The following EYS variants were observed in gnomAD, a reference collection of about 807,000 sequenced individuals.
EYS encodes the protein EGF-like photoreceptor maintenance factor, also known as protein eyes shut homolog.
A neutral mutation model predicts 282.1 loss-of-function variants in EYS; 250 were observed. The ratio of observed to expected loss-of-function variants is 0.89; its 90% CI spans 0.80 to 0.98. The LOEUF is 0.98. Ranked by LOEUF, EYS falls within the 50% of genes least tolerant of loss-of-function variation. The pLI is 0.00. For missense variants in EYS, 4,016 were observed against 3,709.0 expected (o/e 1.08, Z -2.15); for synonymous variants, 1,355 against 1,282.9 (o/e 1.06, Z -1.20).
chr6:64,557,772 T>C (rs1375212875), intron 26 of EYS, among the ~76,000 whole-genome samples: 4 of 152,104 alleles, frequency 2.6e-5, no homozygotes, highest in African/African-American at 9.6e-5. Flanking sequence ...GGGCTAAATC[T>C]AGCCTGCTTC....
intron 14 of EYS, among the ~76,000 whole-genome samples, chr6:64,987,104 T>C (rs927217479): frequency 1.3e-5 from 2 of 151,570 alleles, no homozygotes; most frequent in Admixed American, 6.6e-5. Context: ...TTTAGAATTC[T>C]AGTTCTAAAT....
intron 30 of EYS, among the ~76,000 whole-genome samples, chr6:64,298,531 A>T (rs1769119780): frequency 6.6e-6 from 1 of 152,186 alleles, no homozygotes; most frequent in Non-Finnish European, 1.5e-5. Context: ...GAAAATAGCT[A>T]TATACAAAAT....
intron 29 of EYS, among the ~76,000 whole-genome samples, chr6:64,357,348 C>T (rs1189417120): frequency 6.6e-6 from 1 of 151,448 alleles, no homozygotes; most frequent in African/African-American, 2.4e-5. Context: ...CTTTAAGAAA[C>T]CACAAGTTCT....
At chr6:65,109,508 CT>C (rs912857195) in intron 12 of EYS, among the ~76,000 whole-genome samples, 3 of 151,994 alleles carry the variant, frequency 2.0e-5, no homozygotes, top group African/African-American at 7.2e-5. Context: ...TGTCTTGAGT[CT>C]TTTCTGCACG....
intron 22 of EYS, among the ~76,000 whole-genome samples, chr6:64,762,562 CT>C (rs915065712): frequency 1.3e-5 from 2 of 152,088 alleles, no homozygotes; most frequent in African/African-American, 4.8e-5. Context: ...TTCATCTTTT[CT>C]TTTTTTCTGT....
At position 63,856,544 on chromosome 6, in the gene EYS, A is replaced by G. The variant is rs572507414; in HGVS notation, c.7228+7642T>C. On this transcript the variant is annotated intron_variant, in intron 36 of 42. Transcript: ENST00000503581. ...TAGTCTGTTCTCTGTGTAAAAGTGG[A>G]CAATAACAGATGTGTAGCTCCCTAG... Among the ~76,000 whole-genome samples the G allele has an allele frequency of 3.5e-4, 54 of 152,326 alleles. 1 individual carries two copies. Among genetic ancestry groups the G allele is most frequent in the African/African-American group, 1.3e-3 (53 of 41,578 alleles).
At chr6:64,258,733 T>C (rs1230269157) in intron 30 of EYS, among the ~76,000 whole-genome samples, 3 of 152,082 alleles carry the variant, frequency 2.0e-5, no homozygotes, top group Non-Finnish European at 2.9e-5. Context: ...CTGAACTTTT[T>C]TAAACGTAAA....
chr6:64,028,467 G>C (rs535798374), intron 33 of EYS, among the ~76,000 whole-genome samples: 75 of 152,206 alleles, frequency 4.9e-4, no homozygotes, highest in Non-Finnish European at 9.4e-4. Flanking sequence ...TAATGAGGCA[G>C]TAATTCCTCT....
At chr6:65,123,488 G>A (rs1407905332) in intron 12 of EYS, among the ~76,000 whole-genome samples, 1 of 152,102 alleles carries the variant, frequency 6.6e-6, no homozygotes, top group Non-Finnish European at 1.5e-5. Flanking sequence ...CACCAGGAAA[G>A]CAAAGAAATA....
chr6:64,960,212 T>C (rs958238425), intron 14 of EYS, among the ~76,000 whole-genome samples: 1 of 152,146 alleles, frequency 6.6e-6, no homozygotes, highest in African/African-American at 2.4e-5. Flanking sequence ...AGGAAATTAC[T>C]AATACCTTCT....
chr6:63,779,671 T>C (rs1770158404), intron 39 of EYS, among the ~76,000 whole-genome samples: 1 of 151,714 alleles, frequency 6.6e-6, no homozygotes, highest in Admixed American at 6.6e-5. Context: ...ATAAGGTCTT[T>C]AAAATGATAA....
intron 2 of EYS, among the ~76,000 whole-genome samples, chr6:65,572,637 C>T (rs1267675817): frequency 1.3e-5 from 2 of 152,030 alleles, no homozygotes; most frequent in Admixed American, 6.6e-5. Context: ...GAGCAACAGG[C>T]GATACCATGT....
At chr6:64,884,965 G>A (rs912939776) in intron 19 of EYS, among the ~76,000 whole-genome samples, 1 of 151,588 alleles carries the variant, frequency 6.6e-6, no homozygotes, top group Admixed American at 6.6e-5. Flanking sequence ...ACTCAATACA[G>A]TTAGCACCAC....
intron 22 of EYS, among the ~76,000 whole-genome samples, chr6:64,781,230 A>G (rs1257986616): frequency 6.6e-6 from 1 of 151,492 alleles, no homozygotes; most frequent in African/African-American, 2.4e-5. Flanking sequence ...GTATTTCCCA[A>G]ATATCGCATG....
At chr6:64,140,823 T>C (rs959597284) in intron 31 of EYS, among the ~76,000 whole-genome samples, 35 of 152,104 alleles carry the variant, frequency 2.3e-4, no homozygotes, top group Admixed American at 1.3e-3. Flanking sequence ...GTTTCTCTAC[T>C]CCTTGGCTAT....
chr6:65,287,927 C>T (rs1768414814), intron 12 of EYS, among the ~76,000 whole-genome samples: 1 of 150,988 alleles, frequency 6.6e-6, no homozygotes, highest in Admixed American at 6.6e-5. Context: ...GTTAGATTAG[C>T]CTTCGGTACA....
intron 11 of EYS, among the ~76,000 whole-genome samples, chr6:65,324,450 C>A (rs866321520): frequency 1.9e-4 from 29 of 152,156 alleles, no homozygotes; most frequent in African/African-American, 6.5e-4. Context: ...ATACCAGAGC[C>A]ACTTGAAGGA....
At chr6:64,151,363 A>ATTTATATATAT (rs1491135650) in intron 31 of EYS, among the ~76,000 whole-genome samples, 3 of 62,848 alleles carry the variant, frequency 4.8e-5, no homozygotes, top group African/African-American at 2.1e-4. Context: ...ATATATATAT[A>ATTTATATATAT]ATTTTTTTTT....
At chr6:65,264,378 C>T (rs557417246) in intron 12 of EYS, among the ~76,000 whole-genome samples, 2 of 152,032 alleles carry the variant, frequency 1.3e-5, no homozygotes, top group African/African-American at 4.8e-5. Flanking sequence ...GTTTTCATTA[C>T]TTTTAAACAT....
Sources: allele counts gnomAD v4.1 joint callset (sites outside exome capture counted in the v4.1 genomes callset), GRCh38; gene constraint gnomAD v4.1.1; transcripts MANE v1.5; gene names NCBI Gene and HGNC (gene_info 2026-07-23, HGNC 2026-07-21).